NPC1: variants seen among roughly 807,000 people sequenced by gnomAD.
NPC1 encodes the protein NPC intracellular cholesterol transporter 1.
NPC1 carries 85 observed loss-of-function variants against 140.4 expected under a neutral mutation model. The ratio of observed to expected loss-of-function variants is 0.61; its 90% CI spans 0.51 to 0.72. The LOEUF (loss-of-function observed/expected upper bound fraction) is 0.72, where lower values mean the gene tolerates loss of function less well. NPC1 is among the 30% of genes least tolerant of loss of function. The pLI is 0.00. For synonymous variants in NPC1, 656 were observed against 624.8 expected, an observed-to-expected ratio of 1.05 and a Z score of -0.74; for missense variants, 1,504 against 1,623.8, an observed-to-expected ratio of 0.93 and a Z score of 1.27.
chr18:23,557,074 C>A (rs750121869), intron 7 of NPC1, 43 bp downstream of exon 7: 1 of 1,459,082 alleles, frequency 6.9e-7, no homozygotes, highest in South Asian at 1.1e-5. Flanking sequence ...TCATGACAGA[C>A]AGCATCATCT....
At position 23,556,257 on chromosome 18, in the gene NPC1, G is replaced by T. The variant is rs750292546; in HGVS notation, c.1312C>A (p.Gln438Lys). 6.2e-7 allele frequency: 1 copy of T among 1,614,120 alleles called. No individual in the cohort carries two copies. Reference protein sequence around the residue: ...DVPFGPPLDIQILHQVLDLQI... With the variant: ...DVPFGPPLDIKILHQVLDLQI... ...CAGCAGGTTACCTGGTGCAGTATCT[G>T]TATGTCAAGCGGAGGTCCAAAGGGT... Residue 438 changes from glutamine (Q) to lysine (K), a missense_variant, in exon 8 of 25, where the codon CAG (glutamine) becomes AAG (lysine). By Grantham distance (53) the Gln-to-Lys change is moderately conservative. Coordinates refer to ENST00000269228, the MANE Select transcript of NPC1 (RefSeq NM_000271.5).
chr18:23,546,560 T>TACTC (rs2058793118), intron 11 of NPC1, among the ~76,000 whole-genome samples: 1 of 152,200 alleles, frequency 6.6e-6, no homozygotes, highest in East Asian at 1.9e-4. Flanking sequence ...CAAGAACTTG[T>TACTC]ACTCAAGTGT....
intron 5 of NPC1, among the ~76,000 whole-genome samples, 198 bp downstream of exon 5, chr18:23,561,162 C>T (rs2059032778): frequency 6.6e-6 from 1 of 152,166 alleles, no homozygotes; most frequent in African/African-American, 2.4e-5. Flanking sequence ...CAGATGCATG[C>T]CACCACACCT....
chr18:23,556,575 C>A lies in NPC1; in HGVS notation c.994G>T (p.Glu332Ter), dbSNP rs1269073857. The change falls in exon 8 of 25, where the codon GAG becomes TAG. Residue 332 changes from glutamate (E) to a stop codon, truncating the protein, a stop_gained. Transcript: ENST00000269228. LOFTEE classifies it high-confidence loss of function. Reference sequence around the variant, plus strand: ...GTGAACAGCCGCCTCAAGCAGCCCTCAAATGCTGCGCTGACAGGGTCACAG... The same window carrying A: ...GTGAACAGCCGCCTCAAGCAGCCCTAAAATGCTGCGCTGACAGGGTCACAG... ...SCCDPVSAAFEGCLRRLFTRW... is the reference protein window; with the variant it reads ...SCCDPVSAAF 1 of 1,613,986 alleles carries A rather than the reference C, an allele frequency of 6.2e-7. No homozygotes were observed.
intron 8 of NPC1, among the ~76,000 whole-genome samples, chr18:23,555,651 G>A (rs998438267): frequency 1.3e-5 from 2 of 152,212 alleles, no homozygotes; most frequent in African/African-American, 4.8e-5. Flanking sequence ...AGTTCTCCAA[G>A]GCAAGTGTGA....
chr18:23,522,454 T>G (rs757532725), exon 2 of NPC1: 15 of 152,212 alleles, frequency 9.9e-5, no homozygotes, highest in Non-Finnish European at 1.8e-4. Flanking sequence ...TTCTTAAACT[T>G]TCTTAAAACA....
chr18:23,535,496 G>T lies in NPC1; in HGVS notation c.3450C>A (p.Asn1150Lys), dbSNP rs34715591. The T allele has an allele frequency of 3.1e-6, 5 of 1,613,290 alleles. No individual in the cohort carries two copies. The highest frequency in any genetic ancestry group is 4.2e-6 in the Non-Finnish European group (5 of 1,179,632). The change falls in exon 22 of 25, where the codon AAC becomes AAA. Residue 1150 changes from asparagine to lysine, a missense_variant. By Grantham distance (94) the Asn-to-Lys change is moderately conservative. Coordinates refer to ENST00000269228, the MANE Select transcript of NPC1 (RefSeq NM_000271.5). ...GVMWLWGISL[N>K]AVSLVNLVMS... ...TCACCAGGTTGACCAAGGATACAGCGTTCAGACTGATGCCCCAGAGCCACA... is the reference window on the plus strand; with the variant it reads ...TCACCAGGTTGACCAAGGATACAGCTTTCAGACTGATGCCCCAGAGCCACA...
intron 1 of NPC1, among the ~76,000 whole-genome samples, chr18:23,575,405 T>C (rs1464255241): frequency 1.3e-5 from 2 of 152,162 alleles, no homozygotes; most frequent in Non-Finnish European, 2.9e-5. Context: ...CAAGAGCTCC[T>C]GAGGCTCAGT....
chr18:23,528,083 C>T (rs961885577), downstream of NPC1: 11 of 539,108 alleles, frequency 2.0e-5, no homozygotes, highest in East Asian at 3.5e-4. Context: ...TTCAGGGTCC[C>T]TGCATCCCAC....
rs1004176333 is a variant in NPC1 at position 23,532,039 on chromosome 18, C to T, written c.*163G>A. On this transcript the variant is annotated 3_prime_UTR_variant, in exon 25 of 25. Transcript: ENST00000269228. ...CTAGTAATACTGCTTCCCAAGTCAACTGTGCATTCCTGAGTTCACAGGCGC... is the reference window on the plus strand; with the variant it reads ...CTAGTAATACTGCTTCCCAAGTCAATTGTGCATTCCTGAGTTCACAGGCGC... 2 of 1,559,820 alleles carry T rather than the reference C, an allele frequency of 1.3e-6. No individual in the cohort carries two copies. The highest frequency in any genetic ancestry group is 1.7e-6 in the Non-Finnish European group (2 of 1,154,564).
At chr18:23,530,621 G>A (rs1459858891), downstream of NPC1, 8 of 1,610,552 alleles carry the variant, frequency 5.0e-6, no homozygotes, top group South Asian at 6.6e-5. Flanking sequence ...AGGTGAGAAT[G>A]CAATGAAAAG....
At chr18:23,566,183 G>A (rs576332711) in intron 4 of NPC1, among the ~76,000 whole-genome samples, 1 of 152,158 alleles carries the variant, frequency 6.6e-6, no homozygotes, top group South Asian at 2.1e-4. Flanking sequence ...CTGAGGCCAG[G>A]AGTTTGAGGC....
At position 23,560,307 on chromosome 18, in the gene NPC1, A is replaced by G; in HGVS notation, c.805T>C (p.Tyr269His). ...ATGTAGGTGATCCACATGATGACAT[A>G]CATGGCGTCCAAGCCAAGGATCGTC... ...PWTILGLDAM[Y>H]VIMWITYMAF... Residue 269 changes from tyrosine to histidine, a missense_variant, in exon 6 of 25, where the codon TAT becomes CAT. Physicochemically the swap from Tyr to His is moderately conservative, Grantham distance 83. Coordinates refer to ENST00000269228, the MANE Select transcript of NPC1 (RefSeq NM_000271.5). 1 of 1,614,222 alleles carries G rather than the reference A, an allele frequency of 6.2e-7. No homozygotes were observed. Among genetic ancestry groups the G allele is most frequent in the Non-Finnish European group, 8.5e-7 (1 of 1,180,046 alleles).
At chr18:23,583,703 AC>A (rs1405282118) in intron 1 of NPC1, among the ~76,000 whole-genome samples, 1 of 152,136 alleles carries the variant, frequency 6.6e-6, no homozygotes, top group Non-Finnish European at 1.5e-5. Context: ...TGTCTTCATG[AC>A]CAGAGTGATT....
chr18:23,562,386 G>GT (rs1162587765), intron 4 of NPC1, among the ~76,000 whole-genome samples: 74 of 151,934 alleles, frequency 4.9e-4, no homozygotes, highest in African/African-American at 1.8e-3. Context: ...TATAAGGATA[G>GT]TATCAGTGTA....
intron 3 of NPC1, among the ~76,000 whole-genome samples, chr18:23,510,222 G>A (rs534476737): frequency 7.2e-5 from 11 of 151,836 alleles, no homozygotes; most frequent in Admixed American, 1.3e-4. Context: ...TACTTGGGAG[G>A]CTGAAGTGGG....
chr18:23,560,356 C>T lies in NPC1; in HGVS notation c.756G>A (p.Gln252=), dbSNP rs768008295. The change falls in exon 6 of 25, where the codon CAG becomes CAA. Residue 252 remains glutamine (Q), a synonymous_variant. Transcript: ENST00000269228. ...DCSIVCGPKP[Q]PPPPPAPWTI... ...TCCAGGGAGCAGGAGGAGGTGGGGG[C>T]TGGGGCTTGGGGCCACAGACAATAG... The T allele has an allele frequency of 2.5e-6, 4 of 1,614,092 alleles. No individual in the cohort carries two copies. The highest frequency in any genetic ancestry group is 1.3e-5 in the African/African-American group (1 of 74,938).
intron 11 of NPC1, among the ~76,000 whole-genome samples, chr18:23,546,638 C>A (rs977164361): frequency 6.6e-6 from 1 of 152,146 alleles, no homozygotes; most frequent in Non-Finnish European, 1.5e-5. Flanking sequence ...GATAAATGCA[C>A]ACAATGTGGT....
At chr18:23,536,922 A>AT (rs1567947146) in intron 20 of NPC1, 46 bp from the exon 21 acceptor site, 1 of 1,514,846 alleles carries the variant, frequency 6.6e-7, no homozygotes, top group East Asian at 2.3e-5. Flanking sequence ...GTCTTGCAAA[A>AT]TATCAGCAGA....
Sources: gnomAD v4.1 joint callset for allele counts (sites outside exome capture counted in the v4.1 genomes callset) on GRCh38, gnomAD v4.1.1 for gene constraint, MANE v1.5 for transcripts, NCBI Gene and HGNC (gene_info 2026-07-23, HGNC 2026-07-21) for gene names.